The following HECTD4 variants were observed in gnomAD, a reference collection of about 807,000 sequenced individuals.
HECTD4 encodes the protein HECT domain E3 ubiquitin protein ligase 4.
In HECTD4, 114 loss-of-function variants were observed where a neutral mutation model predicts 471.5. The observed-to-expected ratio is 0.24, with a 90% CI of 0.21 to 0.28. HECTD4 has a LOEUF of 0.28. HECTD4 is among the 10% of genes least tolerant of loss of function. The pLI is 1.00. For missense variants in HECTD4, 3,866 were observed against 5,651.5 expected (o/e 0.68, Z 10.13); for synonymous variants, 2,012 against 2,256.0 (o/e 0.89, Z 3.07).
Position 112,248,146 on chromosome 12 carries a change from C to A in HECTD4, c.4169G>T (p.Trp1390Leu). ...LQSVAELEQK[W>L]QSEVDDAMQG... is the part of the protein sequence containing the mutation. ...CATGGCATCATCAACTTCACTTTGC[C>A]ATTTTTGTTCCAGTTCTGCAACACT... Residue 1390 changes from tryptophan (W) to leucine (L), a missense_variant, in exon 27 of 76, where the codon TGG becomes TTG. Physicochemically the swap from Trp to Leu is moderately conservative, Grantham distance 61 (BLOSUM62 -2). This residue lies in a region of HECTD4 where 281 missense variants were observed against 499.9 expected (regional missense o/e 0.56). Coordinates refer to ENST00000682272, the MANE Select transcript of HECTD4 (RefSeq NM_001388303.1). 6.2e-7 allele frequency: 1 copy of A among 1,613,278 alleles called. No individual in the cohort carries two copies.
Position 112,162,319 on chromosome 12 carries a change from C to T in HECTD4, c.*68G>A. 1 of 1,599,736 alleles carries T rather than the reference C, an allele frequency of 6.3e-7. No homozygotes were observed. Among genetic ancestry groups the T allele is most frequent in the South Asian group, 1.1e-5 (1 of 90,372 alleles). ...CGCAGGGCCCTGGAGGGACGGGCCG[C>T]AGTGGTGGCTTCCCAAGCCAGCAGA... is the stretch of plus-strand genomic sequence containing the variant. On this transcript the variant is annotated 3_prime_UTR_variant, in exon 76 of 76. Transcript: ENST00000682272. The surrounding 1 kb of genome is among the most constrained non-coding windows in gnomAD (Gnocchi z 5.2).
Position 112,167,359 on chromosome 12 carries a change from T to C in HECTD4, c.12492A>G (p.Glu4164=), listed in dbSNP as rs575516808. The C allele has an allele frequency of 1.5e-5, 24 of 1,613,702 alleles. No individual in the cohort carries two copies. The Admixed American group carries it at 1.5e-4, about 10-fold the overall frequency. Residue 4164 remains glutamate (E), a synonymous_variant, in exon 72 of 76, where the codon GAA becomes GAG. Transcript: ENST00000682272. ...CGTAATTGTAGGTGAGGATATCCGC[T>C]TCCTGCAGGTCTTGCTCAGGGTCCA... ...EPLDPEQDLQ[E]ADILTYNYVK...
At chr12:112,257,012 T>C (rs2034028658) in intron 20 of HECTD4, among the ~76,000 whole-genome samples, 1 of 152,220 alleles carries the variant, frequency 6.6e-6, no homozygotes, top group Admixed American at 6.5e-5. Context: ...TTCACCATAA[T>C]TTTTACTAAA....
At chr12:112,182,782 T>C (rs1417105696) in intron 62 of HECTD4, among the ~76,000 whole-genome samples, 2 of 152,338 alleles carry the variant, frequency 1.3e-5, no homozygotes, top group Admixed American at 1.3e-4. Flanking sequence ...CCCTGACAGC[T>C]GGGAGAAGGG....
chr12:112,311,772 G>A (rs1250096463), intron 4 of HECTD4, among the ~76,000 whole-genome samples: 5 of 152,140 alleles, frequency 3.3e-5, no homozygotes, highest in African/African-American at 1.2e-4. Flanking sequence ...CCCCAAGGGA[G>A]ATACCAAATG....
At chr12:112,231,786 T>A in intron 38 of HECTD4, 71 bp from the exon 39 acceptor site, 1 of 1,272,738 alleles carries the variant, frequency 7.9e-7, no homozygotes, top group Non-Finnish European at 1.1e-6. Context: ...CAAGTCTATT[T>A]CCCCTCAATT....
chr12:112,376,075 T>A (rs1051206564), intron 1 of HECTD4, among the ~76,000 whole-genome samples: 2 of 151,090 alleles, frequency 1.3e-5, no homozygotes, highest in African/African-American at 4.9e-5. Context: ...GACTCCTGTC[T>A]AAAAAAAAAT....
chr12:112,243,884 C>T lies in HECTD4; in HGVS notation c.4639G>A (p.Ala1547Thr), dbSNP rs1243267230. The change falls in exon 30 of 76, where the codon GCA becomes ACA. Residue 1547 changes from alanine (A) to threonine (T), a missense_variant. Ala to Thr is a moderately conservative substitution (Grantham distance 58). Around this residue, in one of 16 missense-constraint regions of HECTD4, gnomAD observed 229 missense variants for 386.4 expected, o/e 0.59. Transcript: ENST00000682272. The surrounding 1 kb of genome is among the most constrained non-coding windows in gnomAD (Gnocchi z 6.6). ...IGNEDLEFTR[A>T]NQRRRHVTSH... ...CCATTAGCCATTTACCTCTGATTTG[C>T]TCTAGTAAATTCCAAATCTTCATTA... The T allele has an allele frequency of 6.2e-7, 1 of 1,614,016 alleles. No homozygotes were observed. The highest frequency in any genetic ancestry group is 1.7e-5 in the Admixed American group (1 of 60,012).
intron 64 of HECTD4, among the ~76,000 whole-genome samples, chr12:112,178,178 C>A (rs2031527558): frequency 6.6e-6 from 1 of 152,150 alleles, no homozygotes; most frequent in African/African-American, 2.4e-5. Flanking sequence ...CATCCTCCTG[C>A]CTCAGCTTCT....
intron 37 of HECTD4, among the ~76,000 whole-genome samples, chr12:112,234,439 G>C (rs892760126): frequency 3.3e-5 from 5 of 152,118 alleles, no homozygotes; most frequent in Non-Finnish European, 7.4e-5. Context: ...TGACAACATC[G>C]TCAGATCATT....
Position 112,230,719 on chromosome 12 carries a change from C to T in HECTD4, c.6304G>A (p.Ala2102Thr), listed in dbSNP as rs759101769. 123 of 1,610,948 alleles carry T rather than the reference C, an allele frequency of 7.6e-5. No individual in the cohort carries two copies. Among genetic ancestry groups the T allele is most frequent in the Non-Finnish European group, 1.0e-4 (122 of 1,178,626 alleles). The change falls in exon 40 of 76, where the codon GCT becomes ACT. Residue 2102 changes from alanine (A) to threonine (T), a missense_variant. Ala to Thr is a moderately conservative substitution (Grantham distance 58). Transcript: ENST00000682272. ...HSLLMAPESN[A>T]AQIWTTTAEK... is the part of the protein sequence containing the mutation. The stretch of plus-strand genomic sequence containing the variant: ...GCTGTTGTGGTCCATATTTGAGCAG[C>T]ATTTGATTCAGGTGCCATGAGCAAG...
chr12:112,258,496 C>T lies in HECTD4; in HGVS notation c.3128G>A (p.Arg1043Lys). 6.3e-7 allele frequency: 1 copy of T among 1,576,514 alleles called. No individual in the cohort carries two copies. Reference protein sequence around the residue: ...DQKCRLFPDERMLEEKEEPGF... With the variant: ...DQKCRLFPDEKMLEEKEEPGF... ...CCTGCAAGGAAGCAGCATTCATTAC[C>T]TCTCATCAGGGAACAGCCTGCACTT... The change falls in exon 20 of 76, where the codon AGA becomes AAA. Residue 1043 changes from arginine to lysine, a missense_variant and splice_region_variant. By Grantham distance (26) the Arg-to-Lys change is conservative. This residue lies in a region of HECTD4 where 525 missense variants were observed against 672.6 expected (regional missense o/e 0.78). Coordinates refer to ENST00000682272, the MANE Select transcript of HECTD4 (RefSeq NM_001388303.1).
Position 112,319,465 on chromosome 12 carries a change from G to A in HECTD4, c.455C>T (p.Pro152Leu). ...TGTTCTACTCTGGGACTGAATAAGGGGGAAGACCAGCAGGAGCCCCATCCT... is the reference window on the plus strand; with the variant it reads ...TGTTCTACTCTGGGACTGAATAAGGAGGAAGACCAGCAGGAGCCCCATCCT... ...TSRMGLLLVF[P>L]LIQSQSRTDP... Residue 152 changes from proline to leucine, a missense_variant, in exon 2 of 76, where the codon CCC becomes CTC. Physicochemically the swap from Pro to Leu is moderately conservative, Grantham distance 98 (BLOSUM62 -3). This residue lies in a region of HECTD4 where 440 missense variants were observed against 636.0 expected (regional missense o/e 0.69). Transcript: ENST00000682272. The surrounding 1 kb of genome is among the most constrained non-coding windows in gnomAD (Gnocchi z 5.3). The A allele has an allele frequency of 6.6e-7, 1 of 1,524,780 alleles. No homozygotes were observed. The highest frequency in any genetic ancestry group is 8.8e-7 in the Non-Finnish European group (1 of 1,139,684). 94.5% of individuals were successfully genotyped at this position (1,524,780 alleles called of 1,614,324 possible).
At chr12:112,268,033 C>A (rs987664216) in intron 13 of HECTD4, among the ~76,000 whole-genome samples, 1 of 152,088 alleles carries the variant, frequency 6.6e-6, no homozygotes, top group Non-Finnish European at 1.5e-5. Flanking sequence ...ACTATGTTGC[C>A]CAGACTGGTC....
intron 55 of HECTD4, among the ~76,000 whole-genome samples, chr12:112,198,130 C>T (rs935494750): frequency 1.3e-5 from 2 of 152,308 alleles, no homozygotes; most frequent in East Asian, 1.9e-4. Flanking sequence ...CCGCCGCACC[C>T]GGCCCACAAG....
rs2033384197 is a variant in HECTD4 at position 112,231,700 on chromosome 12, C to T, written c.6013G>A (p.Val2005Met). The change falls in exon 39 of 76, where the codon GTG (valine) becomes ATG (methionine). Residue 2005 changes from valine to methionine, a missense_variant. Coordinates refer to ENST00000682272, the MANE Select transcript of HECTD4 (RefSeq NM_001388303.1). ...GCGGCTGCAGCCTCTTCTGTAATCA[C>T]TTCGCAACAGCCACCCTGGGGTGAG... The part of the protein sequence containing the change: ...RDMTKGGCCE[V>M]ITEEAAAALR... 6.2e-7 allele frequency: 1 copy of T among 1,611,672 alleles called. No individual in the cohort carries two copies. Among genetic ancestry groups the T allele is most frequent in the Non-Finnish European group, 8.5e-7 (1 of 1,179,660 alleles).
chr12:112,337,293 T>G (rs1330678391), intron 1 of HECTD4, among the ~76,000 whole-genome samples: 1 of 152,214 alleles, frequency 6.6e-6, no homozygotes, highest in Non-Finnish European at 1.5e-5. Context: ...ATGAGCAATA[T>G]TTTTATCATC....
rs200991188 is a variant in HECTD4, at chr12:112,274,705, C to CAAACA, written c.1801+137_1801+141dup. 3.0e-3 allele frequency: 1,862 copies of CAAACA among 620,832 alleles called. 16 individuals carry two copies. Among genetic ancestry groups the CAAACA allele is most frequent in the African/African-American group, 0.022 (1,202 of 53,902 alleles). 38.5% of individuals were successfully genotyped at this position (620,832 alleles called of 1,614,324 possible). A position where few individuals can be genotyped will look rare whatever the true frequency, so the allele number is the denominator to read the frequency against. ...CTAGGTGACAGAAGAGACCCTGTCT[C>CAAACA]AAACAAAACAAAACAAAACAAAACA... On this transcript the variant is annotated intron_variant, in intron 10 of 75. Coordinates refer to ENST00000682272, the MANE Select transcript of HECTD4 (RefSeq NM_001388303.1).
At chr12:112,288,440 G>A (rs1245726527) in intron 7 of HECTD4, among the ~76,000 whole-genome samples, 1 of 151,698 alleles carries the variant, frequency 6.6e-6, no homozygotes, top group African/African-American at 2.4e-5. Context: ...TGGGCAACAT[G>A]GCAAAACTCA....
Sources: allele counts gnomAD v4.1 joint callset (sites outside exome capture counted in the v4.1 genomes callset), GRCh38; gene constraint gnomAD v4.1.1; regional missense constraint gnomAD v4.1.1; non-coding constraint Gnocchi (gnomAD v3.1); transcripts MANE v1.5; gene names NCBI Gene and HGNC (gene_info 2026-07-23, HGNC 2026-07-21).